KTN1: variants seen among roughly 807,000 people sequenced by gnomAD.
KTN1 encodes kinectin 1, also known as kinectin.
KTN1 carries 130 observed loss-of-function variants against 222.5 expected under a neutral mutation model. The observed-to-expected ratio is 0.58, with a 90% CI of 0.51 to 0.68. The LOEUF (loss-of-function observed/expected upper bound fraction) is 0.68, where lower values mean the gene tolerates loss of function less well. Ranked by LOEUF, KTN1 falls within the 30% of genes least tolerant of loss-of-function variation. KTN1 has a pLI of 0.00. For missense variants in KTN1, 1,508 were observed against 1,500.4 expected, an observed-to-expected ratio of 1.01 and a Z score of -0.08; for synonymous variants, 512 against 496.3, an observed-to-expected ratio of 1.03 and a Z score of -0.42.
chr14:55,651,898 C>T lies in KTN1; in HGVS notation c.2574C>T (p.Ile858=). 6.4e-7 allele frequency: 1 copy of T among 1,566,672 alleles called. No individual in the cohort carries two copies. The highest frequency in any genetic ancestry group is 8.7e-7 in the Non-Finnish European group (1 of 1,143,934). The change falls in exon 25 of 44, where the codon ATC becomes ATT. Residue 858 remains isoleucine (I), a synonymous_variant. Transcript: ENST00000395314. ...VQLEKAQQLS[I]TSKVQELQNL... ...TGTCCTTTGTATTTCAGTTATCTAT[C>T]ACTTCCAAAGTTCAGGAGCTTCAGA...
intron 25 of KTN1, among the ~76,000 whole-genome samples, chr14:55,652,500 G>A (rs2043023621): frequency 6.7e-6 from 1 of 149,360 alleles, no homozygotes; most frequent in African/African-American, 2.5e-5. Flanking sequence ...CCGGGTTCAA[G>A]TGATTGTCTT....
At chr14:55,641,561 G>T (rs1039291058) in intron 17 of KTN1, 131 bp from the exon 18 acceptor site, 2 of 714,656 alleles carry the variant, frequency 2.8e-6, no homozygotes, top group South Asian at 3.1e-5. Flanking sequence ...AATTATGTCA[G>T]TGTATAATTC....
At chr14:55,650,478 T>G in intron 23 of KTN1, 60 bp downstream of exon 23, 1 of 1,505,728 alleles carries the variant, frequency 6.6e-7, no homozygotes, top group Non-Finnish European at 9.2e-7. Flanking sequence ...GTTAATATCA[T>G]TTAATTTCGT....
chr14:55,655,788 A>G (rs2043405312), intron 28 of KTN1, among the ~76,000 whole-genome samples: 1 of 152,244 alleles, frequency 6.6e-6, no homozygotes, highest in African/African-American at 2.4e-5. Flanking sequence ...TTGATAAAAT[A>G]TAGTTTTGTT....
At chr14:55,662,782 A>T in intron 32 of KTN1, 1 of 375,684 alleles carries the variant, frequency 2.7e-6, no homozygotes, top group Non-Finnish European at 5.6e-6. Flanking sequence ...AGGTACATGA[A>T]TTGCCACTTC....
intron 1 of KTN1, among the ~76,000 whole-genome samples, chr14:55,609,792 C>G (rs143339378): frequency 2.6e-5 from 4 of 152,068 alleles, no homozygotes; most frequent in African/African-American, 7.2e-5. Context: ...AGCAAAAACT[C>G]GAAGCATTCC....
chr14:55,673,402 A>G (rs2045620620), intron 40 of KTN1, 147 bp downstream of exon 40: 3 of 472,286 alleles, frequency 6.4e-6, no homozygotes, highest in Non-Finnish European at 1.1e-5. Context: ...TATTCCGATG[A>G]TTCCTAAGAT....
intron 34 of KTN1, 38 bp from the exon 35 acceptor site, chr14:55,670,690 TC>T: frequency 2.1e-6 from 3 of 1,416,386 alleles, no homozygotes; most frequent in Admixed American, 2.0e-5. Flanking sequence ...ATTTTTTTTT[TC>T]TTTGGAAATT....
Position 55,673,223 on chromosome 14 carries a change from G to A in KTN1, c.3739G>A (p.Glu1247Lys), listed in dbSNP as rs1281740776. 1 of 1,612,856 alleles carries A rather than the reference G, an allele frequency of 6.2e-7. No individual in the cohort carries two copies. The highest frequency in any genetic ancestry group is 8.5e-7 in the Non-Finnish European group (1 of 1,179,154). ...GAAAAAACTTGATGATTCATATTCT[G>A]AAGCAGTAAGACAGAATGAAGAGCT... ...LQKKLDDSYS[E>K]AVRQNEELNL... The change falls in exon 40 of 44, where the codon GAA becomes AAA. Residue 1247 changes from glutamate (E) to lysine (K), a missense_variant. By Grantham distance (56) the Glu-to-Lys change is moderately conservative. Coordinates refer to ENST00000395314, the MANE Select transcript of KTN1 (RefSeq NM_001079521.2).
rs544596334 is a variant in KTN1 at position 55,676,783 on chromosome 14, T to C, written c.3855+865T>C. Among the ~76,000 whole-genome samples the C allele has an allele frequency of 4.6e-5, 7 of 152,342 alleles. No individual in the cohort carries two copies. The East Asian group carries it at 1.3e-3, about 29-fold the overall frequency. On this transcript the variant is annotated intron_variant, in intron 41 of 43. Coordinates refer to ENST00000395314, the MANE Select transcript of KTN1 (RefSeq NM_001079521.2). ...TGAAAGAAATTTTTTTTTGATTCTA[T>C]ATGCTTATAGTTTATAATTGTTATG...
intron 23 of KTN1, 53 bp downstream of exon 23, chr14:55,650,471 A>G: frequency 6.7e-7 from 1 of 1,496,870 alleles, no homozygotes; most frequent in Non-Finnish European, 9.3e-7. Flanking sequence ...AACTTTAGTT[A>G]ATATCATTTA....
chr14:55,583,253 T>C (rs567366875), intron 1 of KTN1, among the ~76,000 whole-genome samples: 27 of 152,262 alleles, frequency 1.8e-4, no homozygotes, highest in African/African-American at 6.5e-4. Context: ...TTGACAGAGG[T>C]GGCAGTGAAA....
At chr14:55,652,429 C>T (rs541418307) in intron 25 of KTN1, among the ~76,000 whole-genome samples, 16 of 130,044 alleles carry the variant, frequency 1.2e-4, no homozygotes, top group Admixed American at 6.3e-4. Context: ...GATGGAATCT[C>T]GCTCTGTCGC....
intron 36 of KTN1, 47 bp downstream of exon 36, chr14:55,671,702 T>A: frequency 2.0e-6 from 3 of 1,534,326 alleles, no homozygotes; most frequent in Non-Finnish European, 2.7e-6. Flanking sequence ...TTTAAATCAT[T>A]ACCTTCTTCC....
chr14:55,609,518 C>T (rs2037238816), intron 1 of KTN1, among the ~76,000 whole-genome samples: 1 of 152,170 alleles, frequency 6.6e-6, no homozygotes, highest in Non-Finnish European at 1.5e-5. Context: ...TATATGGGAC[C>T]TGGGAAAGGA....
rs778455844 is a variant in KTN1, at chr14:55,650,543, A to G, written c.2497-26A>G. On this transcript the variant is annotated intron_variant, in intron 23 of 43. Coordinates refer to ENST00000395314, the MANE Select transcript of KTN1 (RefSeq NM_001079521.2). Reference sequence around the variant, plus strand: ...TCAATTTCTGTGTTTCCATTGTCCAATCTTGTCTGTTTTGTCATTGTCAAG... The same window carrying G: ...TCAATTTCTGTGTTTCCATTGTCCAGTCTTGTCTGTTTTGTCATTGTCAAG... The G allele has an allele frequency of 3.6e-5, 57 of 1,585,492 alleles. No homozygotes were observed. The Admixed American group carries it at 6.2e-4, about 17-fold the overall frequency.
At chr14:55,663,252 A>C (rs184299673) in intron 32 of KTN1, 137 of 204,748 alleles carry the variant, frequency 6.7e-4, no homozygotes, top group Admixed American at 3.6e-3. Context: ...AAAAAGACTG[A>C]AATATAGCAG....
At chr14:55,589,025 T>G (rs2033592825) in intron 1 of KTN1, among the ~76,000 whole-genome samples, 1 of 152,146 alleles carries the variant, frequency 6.6e-6, no homozygotes, top group African/African-American at 2.4e-5. Context: ...ACCCATAGTG[T>G]TCAAAGGTCA....
At chr14:55,672,355 G>A (rs2045526760) in intron 37 of KTN1, 2 of 290,372 alleles carry the variant, frequency 6.9e-6, no homozygotes, top group Non-Finnish European at 6.4e-6. Flanking sequence ...GTACTCTAAT[G>A]CACTTGCAGA....
Sources: gnomAD v4.1 joint callset for allele counts (sites outside exome capture counted in the v4.1 genomes callset) on GRCh38, gnomAD v4.1.1 for gene constraint, MANE v1.5 for transcripts, NCBI Gene and HGNC (gene_info 2026-07-23, HGNC 2026-07-21) for gene names.